OPCML: variants seen among roughly 807,000 people sequenced by gnomAD.
The protein encoded by OPCML is opioid binding protein/cell adhesion molecule like.
In OPCML, 13 loss-of-function variants were observed where a neutral mutation model predicts 37.8. That is an observed-to-expected ratio of 0.34 (90% confidence interval 0.22 to 0.55). The LOEUF (loss-of-function observed/expected upper bound fraction) is 0.55, where lower values mean the gene tolerates loss of function less well. Ranked by LOEUF, OPCML falls within the 20% of genes least tolerant of loss-of-function variation. The pLI, the probability that OPCML is intolerant of heterozygous loss-of-function variation, is 0.91. For synonymous variants in OPCML, 176 were observed against 168.8 expected (o/e 1.04, Z -0.33); for missense variants, 341 against 435.6 (o/e 0.78, Z 1.93).
At chr11:133,080,557 C>CGGT (rs1565436559) in intron 1 of OPCML, among the ~76,000 whole-genome samples, 2 of 146,940 alleles carry the variant, frequency 1.4e-5, no homozygotes, top group Non-Finnish European at 3.0e-5. Context: ...TGAGACAAGA[C>CGGT]GGTTAGTTGA....
chr11:132,744,584 C>G (rs3016391), intron 2 of OPCML, among the ~76,000 whole-genome samples: 119,904 of 152,142 alleles, frequency 0.79, 49,331 homozygotes, highest in Non-Finnish European at 0.92. Flanking sequence ...ACCCTTTTGC[C>G]TGTTATTGAG....
intron 2 of OPCML, among the ~76,000 whole-genome samples, chr11:132,808,070 CA>C (rs1939119971): frequency 1.3e-5 from 2 of 152,182 alleles, no homozygotes; most frequent in Non-Finnish European, 1.5e-5. Flanking sequence ...ATTGCTGTAT[CA>C]TATAGCTAGC....
rs567171855 is a variant in OPCML, at chr11:132,592,730, A to C, written c.380-63544T>G. ...CCTGCATTCATTGTATGTTTCCCCC[A>C]AAAAAAGGAGTGGTCCAGAATGTAC... is the stretch of plus-strand genomic sequence containing the variant. On this transcript the variant is annotated intron_variant, in intron 3 of 7. Transcript: ENST00000524381. Among the ~76,000 whole-genome samples the C allele has an allele frequency of 6.7e-4, 102 of 152,208 alleles. 1 individual carries two copies. Among genetic ancestry groups the C allele is most frequent in the Admixed American group, 3.5e-3 (53 of 15,282 alleles).
chr11:132,511,130 A>G (rs769709152), intron 4 of OPCML, among the ~76,000 whole-genome samples: 6 of 152,184 alleles, frequency 3.9e-5, no homozygotes, highest in Non-Finnish European at 5.9e-5. Flanking sequence ...ACAGTAGGCA[A>G]GGTCAATATA....
intron 2 of OPCML, among the ~76,000 whole-genome samples, chr11:132,821,876 C>T (rs1054852781): frequency 2.0e-5 from 3 of 152,160 alleles, no homozygotes; most frequent in African/African-American, 7.2e-5. Context: ...TTCAATCTCC[C>T]ATGGCTTCTC....
intron 3 of OPCML, among the ~76,000 whole-genome samples, chr11:132,569,954 A>C (rs1017767555): frequency 3.9e-5 from 6 of 152,048 alleles, no homozygotes; most frequent in African/African-American, 1.4e-4. Context: ...ATTCAGTGAA[A>C]AAAAAAAACC....
chr11:133,417,998 G>A (rs1275639302), intron 1 of OPCML: 21 of 880,862 alleles, frequency 2.4e-5, no homozygotes, highest in African/African-American at 7.3e-5. Flanking sequence ...CTTGCGAGAC[G>A]TAGGCAATTT....
chr11:132,575,240 TTAAGC>T (rs1440179569), intron 3 of OPCML, among the ~76,000 whole-genome samples: 1 of 152,112 alleles, frequency 6.6e-6, no homozygotes, highest in Non-Finnish European at 1.5e-5. Context: ...TGCGTTTTGA[TTAAGC>T]TAAGTATTGA....
At chr11:132,476,602 A>T (rs1390576931) in intron 4 of OPCML, among the ~76,000 whole-genome samples, 1 of 152,102 alleles carries the variant, frequency 6.6e-6, no homozygotes, top group African/African-American at 2.4e-5. Flanking sequence ...AAAAACCCAA[A>T]CACCGCATGT....
chr11:133,075,521 T>C (rs911337312), intron 1 of OPCML, among the ~76,000 whole-genome samples: 28 of 152,184 alleles, frequency 1.8e-4, no homozygotes, highest in African/African-American at 5.3e-4. Flanking sequence ...GATGCTTTGC[T>C]GCAGGGGCTC....
At chr11:132,444,728 C>T (rs886219135) in intron 4 of OPCML, among the ~76,000 whole-genome samples, 9 of 152,078 alleles carry the variant, frequency 5.9e-5, no homozygotes, top group South Asian at 2.1e-4. Flanking sequence ...TCCCCAACTC[C>T]GTCCCCCGCC....
At chr11:132,996,174 G>A (rs546187194) in intron 1 of OPCML, among the ~76,000 whole-genome samples, 1 of 152,218 alleles carries the variant, frequency 6.6e-6, no homozygotes. Flanking sequence ...TTGTAGATGG[G>A]GTTATTAAGC....
rs562558095 is a variant in OPCML, at chr11:132,557,359, A to C, written c.380-28173T>G. 1.9e-3 allele frequency among the ~76,000 whole-genome samples: 292 copies of C among 152,328 alleles called. 1 individual carries two copies. Among genetic ancestry groups the C allele is most frequent in the African/African-American group, 6.3e-3 (263 of 41,582 alleles). ...GTGAAAGAGGTATTTCTGTTCGCTC[A>C]GTTGAGAATTAGGATATTACGACTT... On this transcript the variant is annotated intron_variant, in intron 3 of 7. Coordinates refer to ENST00000524381, the MANE Select transcript of OPCML (RefSeq NM_001012393.5).
intron 2 of OPCML, among the ~76,000 whole-genome samples, chr11:132,778,858 A>G (rs1319522166): frequency 6.6e-6 from 1 of 152,000 alleles, no homozygotes; most frequent in Admixed American, 6.6e-5. Context: ...CATTGCCAAT[A>G]TAACTTTTGA....
intron 2 of OPCML, among the ~76,000 whole-genome samples, chr11:132,779,176 C>T (rs1046599065): frequency 7.9e-5 from 12 of 152,094 alleles, no homozygotes; most frequent in African/African-American, 2.7e-4. Flanking sequence ...CCATGCTGGC[C>T]AGGCTGGCCT....
At chr11:133,511,259 T>G (rs1948150117) in intron 1 of OPCML, among the ~76,000 whole-genome samples, 1 of 152,200 alleles carries the variant, frequency 6.6e-6, no homozygotes, top group Non-Finnish European at 1.5e-5. Flanking sequence ...GGTCTCTGCC[T>G]CTAAGCTTTA....
At chr11:133,216,309 C>G (rs1177024152) in intron 1 of OPCML, among the ~76,000 whole-genome samples, 4 of 152,106 alleles carry the variant, frequency 2.6e-5, no homozygotes, top group Non-Finnish European at 5.9e-5. Context: ...CTGAATCACC[C>G]AGTTATGAAA....
At chr11:133,320,035 A>G (rs559127363) in intron 1 of OPCML, among the ~76,000 whole-genome samples, 2 of 152,294 alleles carry the variant, frequency 1.3e-5, no homozygotes, top group African/African-American at 4.8e-5. Context: ...ATGTTGATGG[A>G]TGCCAGTGGT....
At chr11:133,156,390 G>A (rs1453562942) in intron 1 of OPCML, among the ~76,000 whole-genome samples, 3 of 152,126 alleles carry the variant, frequency 2.0e-5, no homozygotes, top group Admixed American at 6.5e-5. Flanking sequence ...CAGTTTTACC[G>A]CCACTGTCTG....
Sources: gnomAD v4.1 joint callset for allele counts (sites outside exome capture counted in the v4.1 genomes callset) on GRCh38, gnomAD v4.1.1 for gene constraint, MANE v1.5 for transcripts, NCBI Gene and HGNC (gene_info 2026-07-23, HGNC 2026-07-21) for gene names.